Variants in CTBP2 observed in about 807,000 individuals in gnomAD.
CTBP2 encodes the protein C-terminal-binding protein 2.
CTBP2 carries 30 observed loss-of-function variants against 80.3 expected under a neutral mutation model. The observed-to-expected ratio is 0.37, with a 90% CI of 0.28 to 0.51. The LOEUF is 0.51. Ranked by LOEUF, CTBP2 falls within the 20% of genes least tolerant of loss-of-function variation. The probability of loss-of-function intolerance (pLI) is 0.93; values close to 1 mark genes in which losing one functional copy is unlikely to be tolerated. For missense variants in CTBP2, 1,212 were observed against 1,375.3 expected, an observed-to-expected ratio of 0.88 and a Z score of 1.88; for synonymous variants, 594 against 587.4, an observed-to-expected ratio of 1.01 and a Z score of -0.16.
At chr10:125,152,713 T>C (rs1860212631) in intron 1 of CTBP2, among the ~76,000 whole-genome samples, 1 of 152,164 alleles carries the variant, frequency 6.6e-6, no homozygotes. Flanking sequence ...TAGTGTGACT[T>C]CTATTCCGTA....
intron 1 of CTBP2, among the ~76,000 whole-genome samples, chr10:125,125,971 G>C (rs906915356): frequency 2.6e-5 from 4 of 152,216 alleles, no homozygotes; most frequent in Admixed American, 1.3e-4. Flanking sequence ...CTGAGCATTC[G>C]AGAAACCAAA....
chr10:125,160,868 A>T (rs1861823994), upstream of CTBP2: 1 of 144,554 alleles, frequency 6.9e-6, no homozygotes, highest in Admixed American at 6.8e-5. Flanking sequence ...GGGGGAGGGA[A>T]CGTCCTGGAT....
chr10:124,993,123 T>C, intron 7 of CTBP2, 79 bp downstream of exon 9: 2 of 1,517,176 alleles, frequency 1.3e-6, no homozygotes, highest in Non-Finnish European at 1.8e-6. Context: ...GAGAGCTGCC[T>C]GTAGCCAGCA....
intron 3 of CTBP2, among the ~76,000 whole-genome samples, chr10:125,002,543 G>A (rs904306531): frequency 2.6e-5 from 4 of 152,328 alleles, no homozygotes. Context: ...ATGTGGACAG[G>A]GGCCTAGAGC....
At chr10:125,114,068 C>G (rs2135955681) in intron 1 of CTBP2, among the ~76,000 whole-genome samples, 1 of 152,266 alleles carries the variant, frequency 6.6e-6, no homozygotes, top group Middle Eastern at 3.4e-3. Flanking sequence ...GACTAGTGCC[C>G]CGAGGATTCA....
chr10:124,986,926 T>G lies in CTBP2; in HGVS notation c.*2592A>C, dbSNP rs1051173665. On this transcript the variant is annotated 3_prime_UTR_variant, in exon 9 of 9. Transcript: ENST00000309035. ...CGCTCAGCACTTAGCTTCTACTGTG[T>G]GTTGTGGTCTGGTGAGTGTTGTTTC... The G allele has an allele frequency of 1.3e-5, 2 of 152,400 alleles. No individual in the cohort carries two copies. The highest frequency in any genetic ancestry group is 6.5e-5 in the Admixed American group (1 of 15,274). 9.4% of individuals were successfully genotyped at this position (152,400 alleles called of 1,614,324 possible).
intron 1 of CTBP2, among the ~76,000 whole-genome samples, chr10:125,020,778 A>C (rs1489713194): frequency 6.6e-6 from 1 of 152,178 alleles, no homozygotes; most frequent in Non-Finnish European, 1.5e-5. Context: ...GACACCAAGC[A>C]TCCACGTTAC....
intron 2 of CTBP2, among the ~76,000 whole-genome samples, chr10:125,079,730 G>A (rs1846888232): frequency 1.3e-5 from 2 of 152,260 alleles, no homozygotes; most frequent in African/African-American, 4.8e-5. Flanking sequence ...TATCTATAAT[G>A]GTTGCTAATT....
At chr10:125,152,002 A>AGGCGC (rs1860016518) in intron 1 of CTBP2, among the ~76,000 whole-genome samples, 1 of 151,648 alleles carries the variant, frequency 6.6e-6, no homozygotes, top group South Asian at 2.1e-4. Context: ...TGTAAAGGCG[A>AGGCGC]GGCGCGAGGT....
At chr10:125,113,476 T>C (rs1852649814) in intron 1 of CTBP2, among the ~76,000 whole-genome samples, 1 of 152,256 alleles carries the variant, frequency 6.6e-6, no homozygotes, top group African/African-American at 2.4e-5. Context: ...ACAGAATTTA[T>C]ACTCCTGATT....
chr10:125,005,819 G>A lies in CTBP2; in HGVS notation c.1679-2327C>T, dbSNP rs115201083. 4.2e-4 allele frequency: 670 copies of A among 1,608,356 alleles called. 3 individuals carry two copies. The African/African-American group carries it at 7.7e-3, about 19-fold the overall frequency. Reference sequence around the variant, plus strand: ...AAGTCCTGGTCTCATGCCCCAGGCGGTCGCCCACACACAGTGAGGAACACC... The same window carrying A: ...AAGTCCTGGTCTCATGCCCCAGGCGATCGCCCACACACAGTGAGGAACACC... On this transcript the variant is annotated intron_variant, in intron 1 of 8. Coordinates refer to ENST00000309035, the MANE Select transcript of CTBP2 (RefSeq NM_022802.3).
chr10:125,091,205 GGTCTGCA>G (rs1194916045), intron 2 of CTBP2, among the ~76,000 whole-genome samples: 5 of 152,190 alleles, frequency 3.3e-5, no homozygotes, highest in Non-Finnish European at 7.4e-5. Context: ...GAGGCCTACT[GGTCTGCA>G]GAGGTATCTA....
At chr10:125,021,775 C>T (rs1202650234) in intron 1 of CTBP2, among the ~76,000 whole-genome samples, 1 of 152,178 alleles carries the variant, frequency 6.6e-6, no homozygotes, top group East Asian at 1.9e-4. Context: ...GGCCATGAAA[C>T]CCAATGACTG....
intron 1 of CTBP2, among the ~76,000 whole-genome samples, chr10:125,118,817 A>T (rs1853818679): frequency 6.6e-6 from 1 of 152,250 alleles, no homozygotes; most frequent in African/African-American, 2.4e-5. Flanking sequence ...TCCGAAAGAC[A>T]AGTAGAAAAC....
chr10:125,134,892 GC>G (rs1856745575), intron 1 of CTBP2, among the ~76,000 whole-genome samples: 1 of 75,838 alleles, frequency 1.3e-5, no homozygotes, highest in Admixed American at 1.5e-4. Context: ...CCTGCCCCCT[GC>G]CCCCTGCCCC....
chr10:124,994,409 C>T, intron 5 of CTBP2, 60 bp downstream of exon 7: 2 of 1,548,446 alleles, frequency 1.3e-6, no homozygotes, highest in Non-Finnish European at 1.8e-6. Context: ...CCTCTTGTGC[C>T]CACAAGCAAG....
intron 1 of CTBP2, among the ~76,000 whole-genome samples, chr10:125,119,122 C>T (rs1468738916): frequency 6.6e-6 from 1 of 152,188 alleles, no homozygotes; most frequent in Non-Finnish European, 1.5e-5. Flanking sequence ...CTAACAAGGG[C>T]CAGACTATAT....
At chr10:125,033,900 A>G (rs1285531691) in intron 3 of CTBP2, among the ~76,000 whole-genome samples, 1 of 152,124 alleles carries the variant, frequency 6.6e-6, no homozygotes, top group Non-Finnish European at 1.5e-5. Context: ...AGGCGGTGGG[A>G]AACAGCGCGA....
At chr10:125,123,545 T>C (rs1448216209) in intron 1 of CTBP2, among the ~76,000 whole-genome samples, 2 of 152,248 alleles carry the variant, frequency 1.3e-5, no homozygotes, top group African/African-American at 2.4e-5. Context: ...TTGGTTTATG[T>C]GGTTTAGCTC....
Sources: gnomAD v4.1 joint callset for allele counts (sites outside exome capture counted in the v4.1 genomes callset) on GRCh38, gnomAD v4.1.1 for gene constraint, MANE v1.5 for transcripts, NCBI Gene and HGNC (gene_info 2026-07-23, HGNC 2026-07-21) for gene names.